LTBP1: variants seen among roughly 807,000 people sequenced by gnomAD.
LTBP1 encodes latent transforming growth factor beta binding protein 1.
In LTBP1, 129 loss-of-function variants were observed where a neutral mutation model predicts 207.6. That is an observed-to-expected ratio of 0.62 (90% CI 0.54 to 0.72). The LOEUF is 0.72. Ranked by LOEUF, LTBP1 falls within the 30% of genes least tolerant of loss-of-function variation. LTBP1 has a pLI of 0.00. For synonymous variants in LTBP1, 963 were observed against 833.7 expected, an observed-to-expected ratio of 1.16 and a Z score of -2.67; for missense variants, 2,281 against 2,217.2, an observed-to-expected ratio of 1.03 and a Z score of -0.58.
intron 24 of LTBP1, among the ~76,000 whole-genome samples, chr2:33,341,760 A>C (rs1162059240): frequency 6.8e-6 from 1 of 146,900 alleles, no homozygotes; most frequent in Admixed American, 6.8e-5. Flanking sequence ...ATTTATATAT[A>C]AAAATAATAA....
At chr2:33,288,687 C>G (rs564676443) in intron 19 of LTBP1, among the ~76,000 whole-genome samples, 2 of 152,068 alleles carry the variant, frequency 1.3e-5, no homozygotes, top group South Asian at 4.1e-4. Context: ...AACCCCGTCT[C>G]TATTAAAAAT....
intron 5 of LTBP1, among the ~76,000 whole-genome samples, chr2:33,183,738 A>G (rs1278352892): frequency 2.6e-5 from 4 of 152,164 alleles, no homozygotes; most frequent in Non-Finnish European, 4.4e-5. Context: ...AGTGTAGCCA[A>G]ACTGTGGTGC....
chr2:33,254,851 G>GTTTTTTTTT (rs1558893129), intron 11 of LTBP1, among the ~76,000 whole-genome samples: 1 of 7,062 alleles, frequency 1.4e-4, no homozygotes, highest in African/African-American at 8.8e-4. Context: ...TGCGGTGTTT[G>GTTTTTTTTT]GTTTTTTTTT....
chr2:33,126,768 G>T (rs1247502504), intron 4 of LTBP1, among the ~76,000 whole-genome samples: 4 of 152,174 alleles, frequency 2.6e-5, no homozygotes, highest in Non-Finnish European at 1.5e-5. Context: ...CATAGGGGGA[G>T]TAGTTGGGGC....
At chr2:33,293,390 C>G (rs1449728160) in intron 20 of LTBP1, 108 bp downstream of exon 20, 3 of 1,155,060 alleles carry the variant, frequency 2.6e-6, no homozygotes, top group Middle Eastern at 2.1e-4. Context: ...TTATTTTGAC[C>G]GAGCGACTTA....
At chr2:33,220,636 G>T (rs1028581113) in intron 8 of LTBP1, among the ~76,000 whole-genome samples, 1 of 152,180 alleles carries the variant, frequency 6.6e-6, no homozygotes, top group Non-Finnish European at 1.5e-5. Context: ...TCAAGTAGAT[G>T]ACTGCTGAAA....
chr2:33,141,691 G>C (rs1052231762), intron 5 of LTBP1, among the ~76,000 whole-genome samples: 1 of 152,160 alleles, frequency 6.6e-6, no homozygotes, highest in Non-Finnish European at 1.5e-5. Flanking sequence ...GGGACCTGAT[G>C]AAGTGGTGAT....
intron 31 of LTBP1, among the ~76,000 whole-genome samples, chr2:33,367,595 C>G (rs568982261): frequency 6.6e-6 from 1 of 152,116 alleles, no homozygotes; most frequent in Non-Finnish European, 1.5e-5. Flanking sequence ...TAAGTGAGAA[C>G]GTTCAGTATT....
intron 3 of LTBP1, among the ~76,000 whole-genome samples, chr2:33,108,500 C>T (rs1458384725): frequency 2.0e-5 from 3 of 152,004 alleles, no homozygotes; most frequent in East Asian, 3.9e-4. Context: ...AAAAAGGGCC[C>T]GTCCACATGT....
chr2:32,949,939 A>G (rs1364745189), intron 2 of LTBP1, among the ~76,000 whole-genome samples: 1 of 152,186 alleles, frequency 6.6e-6, no homozygotes, highest in Admixed American at 6.5e-5. Flanking sequence ...AGGTTTTATG[A>G]TGTGTTATGA....
At chr2:32,963,138 A>G (rs1437461894) in intron 2 of LTBP1, among the ~76,000 whole-genome samples, 1 of 152,116 alleles carries the variant, frequency 6.6e-6, no homozygotes, top group African/African-American at 2.4e-5. Context: ...GGAATGGATC[A>G]TTTTCCCCAG....
intron 19 of LTBP1, 122 bp downstream of exon 19, chr2:33,280,280 T>A: frequency 1.0e-6 from 1 of 1,004,524 alleles, no homozygotes; most frequent in Non-Finnish European, 1.3e-6. Context: ...TACATCATTC[T>A]AAGAAAAGTT....
At chr2:33,156,096 T>C (rs1250736681) in intron 5 of LTBP1, among the ~76,000 whole-genome samples, 1 of 152,210 alleles carries the variant, frequency 6.6e-6, no homozygotes, top group Non-Finnish European at 1.5e-5. Flanking sequence ...GCACATATTA[T>C]ATCTTAGCCT....
chr2:33,373,456 G>T (rs1385517776), intron 31 of LTBP1, among the ~76,000 whole-genome samples: 3 of 152,158 alleles, frequency 2.0e-5, no homozygotes, highest in Admixed American at 1.3e-4. Context: ...AAGCACAAAG[G>T]CATGATGTGA....
chr2:32,947,836 TCCGCCCGCCCGC>T lies in LTBP1; in HGVS notation c.494+24_494+35del. On this transcript the variant is annotated intron_variant, in intron 1 of 33. Coordinates refer to ENST00000404816, the MANE Select transcript of LTBP1 (RefSeq NM_206943.4). ...CTGCAGGGGTAAGCCCACACCCCCT[TCCGCCCGCCCGC>T]CCGCCTCGCGCGCACCGCCCGCGGA... is the stretch of plus-strand genomic sequence containing the variant. The T allele has an allele frequency of 7.8e-7, 1 of 1,289,624 alleles. No individual in the cohort carries two copies. Among genetic ancestry groups the T allele is most frequent in the Non-Finnish European group, 9.9e-7 (1 of 1,011,740 alleles). The allele number at this position is 1,289,624 out of a possible 1,614,324, so 79.9% of individuals were successfully genotyped here. A position where few individuals can be genotyped will look rare whatever the true frequency, so the allele number is the denominator to read the frequency against.
At chr2:33,024,009 T>A (rs2075297711) in intron 3 of LTBP1, among the ~76,000 whole-genome samples, 1 of 152,246 alleles carries the variant, frequency 6.6e-6, no homozygotes, top group African/African-American at 2.4e-5. Context: ...CATAAATATG[T>A]CTAACATGCC....
In LTBP1 at chr2:33,134,911, T is replaced by C; in HGVS notation, c.1152T>C (p.Ser384=). ...AGGGGAACACCACCACTCTCATTAGTGAGAATGGTCATGCTGCCGACACCC... is the reference window on the plus strand; with the variant it reads ...AGGGGAACACCACCACTCTCATTAGCGAGAATGGTCATGCTGCCGACACCC... ...CEKGNTTTLI[S]ENGHAADTLT... The change falls in exon 5 of 34, where the codon AGT becomes AGC. Residue 384 remains serine, a synonymous_variant. Coordinates refer to ENST00000404816, the MANE Select transcript of LTBP1 (RefSeq NM_206943.4). The surrounding 1 kb of genome is among the most constrained non-coding windows in gnomAD (Gnocchi z 4.4). 1 of 1,613,774 alleles carries C rather than the reference T, an allele frequency of 6.2e-7. No individual in the cohort carries two copies. The highest frequency in any genetic ancestry group is 1.1e-5 in the South Asian group (1 of 91,046).
chr2:33,143,297 A>G (rs2082771193), intron 5 of LTBP1, among the ~76,000 whole-genome samples: 1 of 152,188 alleles, frequency 6.6e-6, no homozygotes, highest in Non-Finnish European at 1.5e-5. Context: ...GATTGGGAAC[A>G]AAGACTTGTC....
At chr2:33,165,712 A>G (rs1349642727) in intron 5 of LTBP1, among the ~76,000 whole-genome samples, 11 of 152,228 alleles carry the variant, frequency 7.2e-5, no homozygotes, top group Admixed American at 5.9e-4. Flanking sequence ...CATCATTATT[A>G]TTATCATTAT....
Sources: allele counts gnomAD v4.1 joint callset (sites outside exome capture counted in the v4.1 genomes callset), GRCh38; gene constraint gnomAD v4.1.1; non-coding constraint Gnocchi (gnomAD v3.1); transcripts MANE v1.5; gene names NCBI Gene and HGNC (gene_info 2026-07-23, HGNC 2026-07-21).